The following INVS variants were observed in gnomAD, a reference collection of about 807,000 sequenced individuals.
The protein encoded by INVS is inversion of embryo turning homolog.
Under a neutral mutation model 108.8 loss-of-function variants are expected in INVS, and 86 were observed. That is an observed-to-expected ratio of 0.79 (90% CI 0.66 to 0.95). The LOEUF is 0.95. Among genes scored for constraint, INVS ranks in the 40% least tolerant of loss-of-function variants. The pLI is 0.00. For synonymous variants in INVS, 455 were observed against 473.5 expected (o/e 0.96, Z 0.51); for missense variants, 1,169 against 1,297.4 (o/e 0.90, Z 1.52).
intron 3 of INVS, among the ~76,000 whole-genome samples, chr9:100,169,079 A>T (rs1829456569): frequency 6.6e-6 from 1 of 152,234 alleles, no homozygotes; most frequent in South Asian, 2.1e-4. Context: ...TAGATTAGTT[A>T]ATAATGAAGT....
chr9:100,179,525 A>G (rs1829818100), intron 3 of INVS, among the ~76,000 whole-genome samples: 1 of 152,210 alleles, frequency 6.6e-6, no homozygotes, highest in Admixed American at 6.5e-5. Context: ...TTAAACCAAC[A>G]AAGATCAAAA....
chr9:100,265,206 G>A (rs1436226069), intron 11 of INVS, among the ~76,000 whole-genome samples: 1 of 152,060 alleles, frequency 6.6e-6, no homozygotes, highest in Non-Finnish European at 1.5e-5. Flanking sequence ...GCCTCCCAAA[G>A]TGCTGGGATT....
chr9:100,148,771 G>C (rs1016346287), intron 3 of INVS, among the ~76,000 whole-genome samples: 1 of 151,938 alleles, frequency 6.6e-6, no homozygotes, highest in Non-Finnish European at 1.5e-5. Context: ...ATATATTCTC[G>C]ACCTCTACTT....
chr9:100,100,837 T>TATAAATATATATA lies in INVS; in HGVS notation c.-25+1424_-25+1425insAATATATATAATA, dbSNP rs1264794485. Among the ~76,000 whole-genome samples the TATAAATATATATA allele has an allele frequency of 5.5e-4, 5 of 9,076 alleles. No individual in the cohort carries two copies. The East Asian group carries it at 0.038, about 68-fold the overall frequency. The allele number at this position is 9,076 out of a possible 152,430, so 6.0% of individuals were successfully genotyped here. ...ATATATATAATATATGTATATATAA[T>TATAAATATATATA]ATATATATAATATATGTATATATAA... On this transcript the variant is annotated intron_variant, in intron 1 of 16. Transcript: ENST00000262457.
At chr9:100,146,817 G>C (rs564045765) in intron 3 of INVS, among the ~76,000 whole-genome samples, 1 of 152,254 alleles carries the variant, frequency 6.6e-6, no homozygotes, top group Non-Finnish European at 1.5e-5. Flanking sequence ...TTTCTGTTGT[G>C]TGTATATACC....
intron 16 of INVS, 48 bp from the exon 17 acceptor site, chr9:100,300,520 C>G (rs1162353632): frequency 7.9e-7 from 1 of 1,271,694 alleles, no homozygotes; most frequent in Non-Finnish European, 1.1e-6. Context: ...TTCCCTTCAG[C>G]CTTAAAATTA....
chr9:100,247,788 G>A (rs1832093736), intron 8 of INVS, among the ~76,000 whole-genome samples: 2 of 152,050 alleles, frequency 1.3e-5, no homozygotes, highest in South Asian at 4.2e-4. Flanking sequence ...CTCTATGAAA[G>A]CCTTACAGCA....
intron 3 of INVS, among the ~76,000 whole-genome samples, chr9:100,215,791 G>A (rs73491434): frequency 0.031 from 4,736 of 152,288 alleles, 235 homozygotes; most frequent in African/African-American, 0.11. Context: ...GTGAGCCCAA[G>A]AGGAGGTGAC....
chr9:100,244,571 TA>T (rs1198980522), intron 7 of INVS, among the ~76,000 whole-genome samples: 4 of 152,134 alleles, frequency 2.6e-5, no homozygotes, highest in Non-Finnish European at 5.9e-5. Flanking sequence ...AATAATATAA[TA>T]ATATAATAAT....
chr9:100,240,086 G>T lies in INVS; in HGVS notation c.642G>T (p.Leu214=). ...ATGCTGCTCCAACAGAGTCTTTACT[G>T]AACTGGCAAGACTACGAGGGTCGAA... ...ILDAAPTESL[L]NWQDYEGRTP... The change falls in exon 6 of 17, where the codon CTG becomes CTT. Residue 214 remains leucine (L), a synonymous_variant. Coordinates refer to ENST00000262457, the MANE Select transcript of INVS (RefSeq NM_014425.5). The T allele has an allele frequency of 6.2e-7, 1 of 1,614,136 alleles. No homozygotes were observed. The highest frequency in any genetic ancestry group is 8.5e-7 in the Non-Finnish European group (1 of 1,180,012).
chr9:100,284,441 C>T lies in INVS; in HGVS notation c.1906C>T (p.Gln636Ter), dbSNP rs1833370178. 1 of 1,614,068 alleles carries T rather than the reference C, an allele frequency of 6.2e-7. No homozygotes were observed. Among genetic ancestry groups the T allele is most frequent in the South Asian group, 1.1e-5 (1 of 91,090 alleles). Residue 636 changes from glutamine (Q) to a stop codon, truncating the protein, a stop_gained, in exon 13 of 17, where the codon CAG becomes TAG. Transcript: ENST00000262457. LOFTEE classifies it high-confidence loss of function. ...TAGCACCCAGGATGTGCCCAGCAGG[C>T]AGAGCCGGGCCCCCAGCAAGCAGCC... ...LPSTQDVPSRQSRAPSKQPPA... is the reference protein window; with the variant it reads ...LPSTQDVPSR
At chr9:100,134,639 T>TA (rs145796822) in intron 3 of INVS, among the ~76,000 whole-genome samples, 18,030 of 152,284 alleles carry the variant, frequency 0.12, 1,397 homozygotes, top group Middle Eastern at 0.18. Context: ...TGGCCATTCT[T>TA]ACAGGAGTAA....
At position 100,130,781 on chromosome 9, in the gene INVS, C is replaced by T. The variant is rs542044984; in HGVS notation, c.273+4232C>T. 20 of 152,258 alleles carry T rather than the reference C, an allele frequency of 1.3e-4. No homozygotes were observed. In the East Asian group the frequency reaches 3.5e-3, roughly 26 times the overall value. 9.4% of individuals were successfully genotyped at this position (152,258 alleles called of 1,614,324 possible). A position where few individuals can be genotyped will look rare whatever the true frequency, so the allele number is the denominator to read the frequency against. Reference sequence around the variant, plus strand: ...AACATGTGTTAAAACTATTATGTAACAGGCATCATGTTAGGCCTTGGAACA... The same window carrying T: ...AACATGTGTTAAAACTATTATGTAATAGGCATCATGTTAGGCCTTGGAACA... On this transcript the variant is annotated intron_variant, in intron 3 of 16. Coordinates refer to ENST00000262457, the MANE Select transcript of INVS (RefSeq NM_014425.5).
At chr9:100,272,397 T>C (rs1832985497) in intron 11 of INVS, among the ~76,000 whole-genome samples, 1 of 152,250 alleles carries the variant, frequency 6.6e-6, no homozygotes, top group African/African-American at 2.4e-5. Context: ...CCATCTTTTC[T>C]GCAGAAATTT....
At chr9:100,219,202 A>G (rs1035012667) in intron 3 of INVS, among the ~76,000 whole-genome samples, 1 of 152,178 alleles carries the variant, frequency 6.6e-6, no homozygotes, top group Admixed American at 6.5e-5. Context: ...AAAAAAAACA[A>G]ATAGCCAAGT....
chr9:100,227,675 G>A (rs1157243379), intron 4 of INVS, among the ~76,000 whole-genome samples: 1 of 151,018 alleles, frequency 6.6e-6, no homozygotes, highest in African/African-American at 2.5e-5. Context: ...CATGAAGAGA[G>A]GATTCTTGTG....
At chr9:100,105,911 C>G (rs1277360534) in intron 2 of INVS, among the ~76,000 whole-genome samples, 1 of 119,160 alleles carries the variant, frequency 8.4e-6, no homozygotes, top group African/African-American at 3.2e-5. Context: ...ATTCTCAACT[C>G]TGGATGTACC....
At chr9:100,253,796 T>G (rs982217497) in intron 10 of INVS, among the ~76,000 whole-genome samples, 2 of 152,260 alleles carry the variant, frequency 1.3e-5, no homozygotes, top group African/African-American at 2.4e-5. Flanking sequence ...GTGCTGTATT[T>G]TCTTAATCCA....
intron 13 of INVS, among the ~76,000 whole-genome samples, chr9:100,287,826 C>T (rs1333684048): frequency 1.3e-5 from 2 of 152,112 alleles, no homozygotes; most frequent in Non-Finnish European, 2.9e-5. Context: ...AGTGTAGGAA[C>T]GGACTAATAC....
Sources: allele counts gnomAD v4.1 joint callset (sites outside exome capture counted in the v4.1 genomes callset), GRCh38; gene constraint gnomAD v4.1.1; transcripts MANE v1.5; gene names NCBI Gene and HGNC (gene_info 2026-07-23, HGNC 2026-07-21).